The following IFT88 variants were observed in gnomAD, a reference collection of about 807,000 sequenced individuals.
The protein encoded by IFT88 is intraflagellar transport 88.
A neutral mutation model predicts 119.5 loss-of-function variants in IFT88; 74 were observed. That is an observed-to-expected ratio of 0.62 (90% confidence interval 0.51 to 0.75). The LOEUF (loss-of-function observed/expected upper bound fraction) is 0.75, where lower values mean the gene tolerates loss of function less well. Among genes scored for constraint, IFT88 ranks in the 30% least tolerant of loss-of-function variants. The pLI, the probability that IFT88 is intolerant of heterozygous loss-of-function variation, is 0.00. For synonymous variants in IFT88, 279 were observed against 316.7 expected (o/e 0.88, Z 1.26); for missense variants, 961 against 977.7 (o/e 0.98, Z 0.23).
chr13:20,619,078 G>A (rs781241523), intron 14 of IFT88, among the ~76,000 whole-genome samples: 1 of 151,806 alleles, frequency 6.6e-6, no homozygotes, highest in Non-Finnish European at 1.5e-5. Context: ...GGATGGTCTC[G>A]ATCTCCTGAC....
At chr13:20,610,327 T>C (rs9579908) in intron 13 of IFT88, among the ~76,000 whole-genome samples, 10,294 of 152,096 alleles carry the variant, frequency 0.068, 413 homozygotes, top group Non-Finnish European at 0.08. Context: ...AGACAATTGC[T>C]GTGTAAAACG....
At chr13:20,599,425 A>G (rs1295915574) in intron 10 of IFT88, 26 bp from the exon 11 acceptor site, 6 of 788,442 alleles carry the variant, frequency 7.6e-6, no homozygotes, top group Non-Finnish European at 1.3e-5. Flanking sequence ...AGAGTATTAT[A>G]CATTCATTAA....
intron 1 of IFT88, among the ~76,000 whole-genome samples, chr13:20,572,492 T>C (rs2036571954): frequency 6.6e-6 from 1 of 152,164 alleles, no homozygotes; most frequent in South Asian, 2.1e-4. Context: ...GTCCTGAAAT[T>C]ACAGGCATGA....
intron 15 of IFT88, among the ~76,000 whole-genome samples, chr13:20,627,351 A>C (rs2047499685): frequency 6.6e-6 from 1 of 152,266 alleles, no homozygotes; most frequent in African/African-American, 2.4e-5. Context: ...TTTGTGTGTG[A>C]CATGTACTGT....
At chr13:20,616,704 CAT>C (rs1594251803) in intron 14 of IFT88, among the ~76,000 whole-genome samples, 1 of 152,138 alleles carries the variant, frequency 6.6e-6, no homozygotes, top group African/African-American at 2.4e-5. Flanking sequence ...AAACCAGTAA[CAT>C]AATTGTTTAT....
chr13:20,615,549 A>G (rs2045467650), intron 13 of IFT88, among the ~76,000 whole-genome samples: 1 of 152,200 alleles, frequency 6.6e-6, no homozygotes, highest in Non-Finnish European at 1.5e-5. Flanking sequence ...AAGGCATCAT[A>G]AAGCAGAAAA....
chr13:20,680,131 G>T (rs1030526630), intron 24 of IFT88, among the ~76,000 whole-genome samples: 1 of 152,170 alleles, frequency 6.6e-6, no homozygotes, highest in Admixed American at 6.5e-5. Context: ...TTTGAGGGTG[G>T]TAAACTTCGG....
chr13:20,643,652 A>G (rs1468290484), intron 19 of IFT88, 47 bp downstream of exon 19: 4 of 1,377,972 alleles, frequency 2.9e-6, no homozygotes, highest in Non-Finnish European at 4.0e-6. Context: ...CATTTTATGA[A>G]TTGTTATAAA....
Position 20,656,347 on chromosome 13 carries a change from TC to T in IFT88, c.2003-17del. On this transcript the variant is annotated splice_polypyrimidine_tract_variant and intron_variant, in intron 21 of 25. Transcript: ENST00000351808. ...TTTCTATAATTTGCTAATATATTTTTCTCTTGTTTGTTTATAGGTAACTACC... is the reference window on the plus strand; with the variant it reads ...TTTCTATAATTTGCTAATATATTTTTTCTTGTTTGTTTATAGGTAACTACC... 8.6e-7 allele frequency: 1 copy of T among 1,167,384 alleles called. No individual in the cohort carries two copies. Among genetic ancestry groups the T allele is most frequent in the Non-Finnish European group, 1.2e-6 (1 of 819,272 alleles). The allele number at this position is 1,167,384 out of a possible 1,614,324, so 72.3% of individuals were successfully genotyped here.
At chr13:20,597,584 A>T (rs1247046559) in intron 9 of IFT88, among the ~76,000 whole-genome samples, 1 of 151,830 alleles carries the variant, frequency 6.6e-6, no homozygotes, top group Non-Finnish European at 1.5e-5. Flanking sequence ...CTCTACTAAA[A>T]ATACAAAAAA....
intron 22 of IFT88, among the ~76,000 whole-genome samples, chr13:20,661,415 A>G (rs2140788800): frequency 6.6e-6 from 1 of 152,292 alleles, no homozygotes; most frequent in South Asian, 2.1e-4. Context: ...TTCTTATACT[A>G]CAAACCAAAA....
chr13:20,614,787 G>A (rs1302167227), intron 13 of IFT88, among the ~76,000 whole-genome samples: 6 of 148,812 alleles, frequency 4.0e-5, no homozygotes, highest in Admixed American at 2.7e-4. Context: ...CAAGATGAAT[G>A]TTGAATGATT....
chr13:20,640,502 G>A (rs1376731028), intron 17 of IFT88, among the ~76,000 whole-genome samples: 2 of 152,006 alleles, frequency 1.3e-5, no homozygotes, highest in Non-Finnish European at 2.9e-5. Flanking sequence ...GAACCCAGGA[G>A]GCGGAGCTTG....
At chr13:20,685,804 C>A (rs1483115565) in intron 24 of IFT88, among the ~76,000 whole-genome samples, 1 of 152,198 alleles carries the variant, frequency 6.6e-6, no homozygotes, top group Admixed American at 6.5e-5. Flanking sequence ...TGTTTGAACC[C>A]GGGAGGCAGA....
At chr13:20,584,843 C>G (rs963611650) in intron 3 of IFT88, among the ~76,000 whole-genome samples, 1 of 152,188 alleles carries the variant, frequency 6.6e-6, no homozygotes, top group African/African-American at 2.4e-5. Context: ...TGTGCCCCCC[C>G]ACCAGGGACA....
At chr13:20,600,075 T>G (rs2042351714) in intron 11 of IFT88, among the ~76,000 whole-genome samples, 1 of 152,136 alleles carries the variant, frequency 6.6e-6, no homozygotes, top group Non-Finnish European at 1.5e-5. Flanking sequence ...GTTTCCAAGA[T>G]ATTTACTGAT....
chr13:20,663,617 G>A lies in IFT88; in HGVS notation c.2175+13G>A. The A allele has an allele frequency of 6.5e-7, 1 of 1,549,976 alleles. No homozygotes were observed. The highest frequency in any genetic ancestry group is 8.9e-7 in the Non-Finnish European group (1 of 1,124,768). ...AATAAGGGAACAGGTATCTCATATGGGCCCCAAACTGCAGTCTGTTAATTT... is the reference window on the plus strand; with the variant it reads ...AATAAGGGAACAGGTATCTCATATGAGCCCCAAACTGCAGTCTGTTAATTT... On this transcript the variant is annotated intron_variant, in intron 23 of 25. Coordinates refer to ENST00000351808, the MANE Select transcript of IFT88 (RefSeq NM_006531.5).
At chr13:20,607,759 G>A in intron 13 of IFT88, 5 of 749,894 alleles carry the variant, frequency 6.7e-6, no homozygotes, top group Non-Finnish European at 1.3e-5. Flanking sequence ...TGCCTAGAAT[G>A]TCATTGCCTT....
At chr13:20,681,195 C>T (rs1362875682) in intron 24 of IFT88, among the ~76,000 whole-genome samples, 1 of 152,158 alleles carries the variant, frequency 6.6e-6, no homozygotes, top group Non-Finnish European at 1.5e-5. Flanking sequence ...GGACATTGTC[C>T]GTTTTAACAG....
Sources: allele counts gnomAD v4.1 joint callset (sites outside exome capture counted in the v4.1 genomes callset), GRCh38; gene constraint gnomAD v4.1.1; transcripts MANE v1.5; gene names NCBI Gene and HGNC (gene_info 2026-07-23, HGNC 2026-07-21).